FAF1: variants seen among roughly 807,000 people sequenced by gnomAD.
FAF1 encodes Fas associated factor 1.
Under a neutral mutation model 92.5 loss-of-function variants are expected in FAF1, and 25 were observed. The ratio of observed to expected loss-of-function variants is 0.27; its 90% CI spans 0.20 to 0.38. The LOEUF (loss-of-function observed/expected upper bound fraction) is 0.38, where lower values mean the gene tolerates loss of function less well. FAF1 is among the 10% of genes least tolerant of loss of function. The pLI is 1.00. For missense variants in FAF1, 636 were observed against 793.3 expected (o/e 0.80, Z 2.38); for synonymous variants, 234 against 273.2 (o/e 0.86, Z 1.42).
intron 8 of FAF1, among the ~76,000 whole-genome samples, chr1:50,653,354 TTTTG>T (rs1654952042): frequency 6.6e-6 from 1 of 152,058 alleles, no homozygotes; most frequent in Non-Finnish European, 1.5e-5. Context: ...ATAAAGGGGC[TTTTG>T]TTTTTGTTTT....
At chr1:50,661,340 C>T (rs1332491644) in intron 7 of FAF1, among the ~76,000 whole-genome samples, 1 of 152,118 alleles carries the variant, frequency 6.6e-6, no homozygotes, top group African/African-American at 2.4e-5. Flanking sequence ...TAATTTATCT[C>T]AACATTTAAA....
At chr1:50,883,993 T>C (rs930999346) in intron 1 of FAF1, among the ~76,000 whole-genome samples, 2 of 151,688 alleles carry the variant, frequency 1.3e-5, no homozygotes, top group South Asian at 4.2e-4. Flanking sequence ...GGCATGGTGG[T>C]GCACACCTCT....
intron 1 of FAF1, among the ~76,000 whole-genome samples, chr1:50,870,855 A>C (rs182508417): frequency 7.0e-4 from 107 of 152,344 alleles, no homozygotes; most frequent in African/African-American, 2.4e-3. Context: ...CATGTTTCTC[A>C]TTTTAAATCA....
intron 2 of FAF1, among the ~76,000 whole-genome samples, chr1:50,834,242 T>C (rs1304144870): frequency 6.6e-6 from 1 of 152,228 alleles, no homozygotes; most frequent in African/African-American, 2.4e-5. Flanking sequence ...CCCAGCCATG[T>C]TTCCTGTACG....
At chr1:50,504,803 A>G (rs10493149) in intron 15 of FAF1, among the ~76,000 whole-genome samples, 19,337 of 152,252 alleles carry the variant, frequency 0.13, 1,625 homozygotes, top group African/African-American at 0.23. Flanking sequence ...TGACTAGGTT[A>G]TAGTAATAGA....
At chr1:50,931,298 T>C (rs932653481) in intron 1 of FAF1, among the ~76,000 whole-genome samples, 2 of 152,242 alleles carry the variant, frequency 1.3e-5, no homozygotes, top group East Asian at 1.9e-4. Flanking sequence ...GCATTGTTTA[T>C]ACTTTCTTAT....
At chr1:50,476,226 C>T (rs1646638123) in intron 17 of FAF1, among the ~76,000 whole-genome samples, 1 of 152,116 alleles carries the variant, frequency 6.6e-6, no homozygotes, top group Admixed American at 6.5e-5. Context: ...TAATCAATGC[C>T]ACTGAATTGT....
intron 2 of FAF1, among the ~76,000 whole-genome samples, chr1:50,809,503 C>T (rs1042972836): frequency 6.6e-6 from 1 of 151,388 alleles, no homozygotes; most frequent in African/African-American, 2.4e-5. Context: ...TGCACAAAGG[C>T]TAGAAAACGT....
intron 2 of FAF1, among the ~76,000 whole-genome samples, chr1:50,857,316 T>A (rs1644397812): frequency 6.6e-6 from 1 of 151,770 alleles, no homozygotes; most frequent in Admixed American, 6.6e-5. Context: ...TTAAACTTTT[T>A]TTTTTAGCAT....
chr1:50,884,783 T>C (rs1317083581), intron 1 of FAF1, among the ~76,000 whole-genome samples: 2 of 152,152 alleles, frequency 1.3e-5, no homozygotes, highest in Non-Finnish European at 2.9e-5. Context: ...AATACTGGCC[T>C]TGTAGAATGA....
chr1:50,714,385 C>A (rs1422585440), intron 6 of FAF1, among the ~76,000 whole-genome samples: 1 of 151,488 alleles, frequency 6.6e-6, no homozygotes, highest in African/African-American at 2.4e-5. Context: ...TGGTGGCGGC[C>A]GCCTGTAATC....
intron 1 of FAF1, among the ~76,000 whole-genome samples, chr1:50,936,151 CG>C (rs1344193018): frequency 6.6e-6 from 1 of 152,152 alleles, no homozygotes; most frequent in East Asian, 1.9e-4. Flanking sequence ...TCAGTGAGAA[CG>C]TACTATGTGC....
chr1:50,437,274 A>C lies in FAF1; in HGVS notation c.*4166T>G, dbSNP rs1646136231. On this transcript the variant is annotated 3_prime_UTR_variant, in exon 19 of 19. Transcript: ENST00000396153. ...AAAGAATGGACAGATTCTTCTCCCC[A>C]AATAGGATGACGTAAATGGTGATTC... 1 of 152,214 alleles carries C rather than the reference A, an allele frequency of 6.6e-6. No individual in the cohort carries two copies. Among genetic ancestry groups the C allele is most frequent in the Non-Finnish European group, 1.5e-5 (1 of 68,030 alleles). The allele number at this position is 152,214 out of a possible 1,614,324, so 9.4% of individuals were successfully genotyped here. A position where few individuals can be genotyped will look rare whatever the true frequency, so the allele number is the denominator to read the frequency against.
chr1:50,864,050 T>C (rs1480351935), intron 1 of FAF1, among the ~76,000 whole-genome samples: 1 of 151,802 alleles, frequency 6.6e-6, no homozygotes, highest in African/African-American at 2.4e-5. Context: ...AGTGGTGATA[T>C]CCCCTTTATC....
intron 2 of FAF1, among the ~76,000 whole-genome samples, chr1:50,844,034 G>C (rs1315976340): frequency 6.6e-6 from 1 of 152,068 alleles, no homozygotes; most frequent in African/African-American, 2.4e-5. Context: ...GCATCCACCA[G>C]CATTTGTCAT....
At chr1:50,472,573 A>G (rs944962060) in intron 18 of FAF1, among the ~76,000 whole-genome samples, 10 of 152,104 alleles carry the variant, frequency 6.6e-5, no homozygotes, top group Non-Finnish European at 1.3e-4. Context: ...ACAGCTCGGA[A>G]ATCTTAACAT....
chr1:50,684,883 G>A (rs953867717), intron 7 of FAF1, among the ~76,000 whole-genome samples: 4 of 152,122 alleles, frequency 2.6e-5, no homozygotes, highest in Admixed American at 1.3e-4. Context: ...ACATCAGTAA[G>A]ATATAGTACC....
intron 8 of FAF1, among the ~76,000 whole-genome samples, chr1:50,648,375 T>C (rs1654693906): frequency 1.3e-5 from 2 of 152,018 alleles, no homozygotes; most frequent in Non-Finnish European, 2.9e-5. Context: ...AGTGGGAGAG[T>C]ACCAAGTATA....
chr1:50,680,823 G>A lies in FAF1; in HGVS notation c.657+24963C>T, dbSNP rs117824737. 6.7e-4 allele frequency among the ~76,000 whole-genome samples: 102 copies of A among 152,150 alleles called. No homozygotes were observed. The East Asian group carries it at 0.018, about 27-fold the overall frequency. The stretch of plus-strand genomic sequence containing the variant: ...ACTTCTGACAAATGGTCAGAATTTC[G>A]AGAGTTTTCATCTGTTTCCACAATG... On this transcript the variant is annotated intron_variant, in intron 7 of 18. Coordinates refer to ENST00000396153, the MANE Select transcript of FAF1 (RefSeq NM_007051.3).
Sources: gnomAD v4.1 joint callset for allele counts (sites outside exome capture counted in the v4.1 genomes callset) on GRCh38, gnomAD v4.1.1 for gene constraint, MANE v1.5 for transcripts, NCBI Gene and HGNC (gene_info 2026-07-23, HGNC 2026-07-21) for gene names.